TRIM8: variants seen among roughly 807,000 people sequenced by gnomAD.
TRIM8 encodes tripartite motif containing 8, also known as E3 ubiquitin-protein ligase TRIM8.
A neutral mutation model predicts 55.7 loss-of-function variants in TRIM8; 9 were observed. The observed-to-expected ratio is 0.16, with a 90% CI of 0.10 to 0.28. TRIM8 has a LOEUF of 0.28. TRIM8 is among the 10% of genes least tolerant of loss of function. The probability of loss-of-function intolerance (pLI) is 1.00; values close to 1 mark genes in which losing one functional copy is unlikely to be tolerated. For synonymous variants in TRIM8, 335 were observed against 333.3 expected, an observed-to-expected ratio of 1.01 and a Z score of -0.06; for missense variants, 556 against 736.4, an observed-to-expected ratio of 0.76 and a Z score of 2.83.
chr10:102,646,207 A>G (rs745550869), intron 1 of TRIM8, among the ~76,000 whole-genome samples: 14 of 152,136 alleles, frequency 9.2e-5, no homozygotes, highest in East Asian at 5.8e-4. Context: ...GTCCCTCCCC[A>G]GTCCTCTGGC....
At chr10:102,645,315 A>G in intron 1 of TRIM8, 128 bp downstream of exon 1, 2 of 1,089,736 alleles carry the variant, frequency 1.8e-6, no homozygotes, top group Non-Finnish European at 2.5e-6. Context: ...GCCCCTGGCC[A>G]AACTCTTCTC....
In TRIM8 at chr10:102,656,147, G is replaced by A. The variant is rs369864855; in HGVS notation, c.932+10G>A. 2.2e-5 allele frequency: 35 copies of A among 1,614,038 alleles called. 1 individual carries two copies. Among genetic ancestry groups the A allele is most frequent in the Non-Finnish European group, 2.6e-5 (31 of 1,180,038 alleles). Reference sequence around the variant, plus strand: ...AAATCCTGATGGACAGGTAAGCTGAGGGCCCTAGCCCTCCCGGGGGCACAT... The same window carrying A: ...AAATCCTGATGGACAGGTAAGCTGAAGGCCCTAGCCCTCCCGGGGGCACAT... On this transcript the variant is annotated intron_variant, in intron 4 of 5. Transcript: ENST00000643721. The surrounding 1 kb of genome is among the most constrained non-coding windows in gnomAD (Gnocchi z 4.6).
At chr10:102,654,545 T>G (rs1590108971) in intron 1 of TRIM8, 108 bp from the exon 2 acceptor site, 1 of 894,682 alleles carries the variant, frequency 1.1e-6, no homozygotes, top group East Asian at 2.4e-5. Flanking sequence ...AGAGGCTTGG[T>G]GCCATCGGGT....
In TRIM8 at chr10:102,657,516, G is replaced by T; in HGVS notation, c.*162G>T. 1 of 965,890 alleles carries T rather than the reference G, an allele frequency of 1.0e-6. No individual in the cohort carries two copies. Among genetic ancestry groups the T allele is most frequent in the Non-Finnish European group, 1.5e-6 (1 of 685,340 alleles). 59.8% of individuals were successfully genotyped at this position (965,890 alleles called of 1,614,324 possible). A position where few individuals can be genotyped will look rare whatever the true frequency, so the allele number is the denominator to read the frequency against. ...TGGATTTTGTTTTGGTTTTGGCTTT[G>T]TTTTTGATTTTTTTTTATTATGAAT... On this transcript the variant is annotated 3_prime_UTR_variant, in exon 6 of 6. Transcript: ENST00000643721.
At chr10:102,648,680 T>A (rs1389054245) in intron 1 of TRIM8, among the ~76,000 whole-genome samples, 2 of 152,138 alleles carry the variant, frequency 1.3e-5, no homozygotes, top group Non-Finnish European at 2.9e-5. Context: ...CTGGCTCTAC[T>A]GGGGCTGGTG....
chr10:102,649,825 T>TA (rs2063965928), intron 1 of TRIM8, among the ~76,000 whole-genome samples: 1 of 152,114 alleles, frequency 6.6e-6, no homozygotes, highest in African/African-American at 2.4e-5. Context: ...GAAAGGGGGT[T>TA]TAGGGCAGGC....
intron 1 of TRIM8, among the ~76,000 whole-genome samples, chr10:102,651,007 C>T (rs970307499): frequency 6.6e-6 from 1 of 152,180 alleles, no homozygotes; most frequent in Non-Finnish European, 1.5e-5. Flanking sequence ...TTCTCCCAGG[C>T]GCTGTCTGTA....
chr10:102,649,595 C>A (rs1208014960), intron 1 of TRIM8, among the ~76,000 whole-genome samples: 4 of 152,194 alleles, frequency 2.6e-5, no homozygotes, highest in African/African-American at 9.7e-5. Context: ...TCTCTCGCCT[C>A]TTTGTTCTGC....
rs2064027735 is a variant in TRIM8, at chr10:102,656,678, A to T, written c.1049-69A>T. On this transcript the variant is annotated intron_variant, in intron 5 of 5. Coordinates refer to ENST00000643721, the MANE Select transcript of TRIM8 (RefSeq NM_030912.3). This position sits in a 1 kb window ranked among gnomAD's most constrained non-coding sequence, Gnocchi z 4.6. ...TAGGTGTCAATGGTCCCCAGGTCCA[A>T]CCCAGGGAGAGGAGGCCTGGGTTGC... 6.6e-7 allele frequency: 1 copy of T among 1,505,646 alleles called. No homozygotes were observed. The highest frequency in any genetic ancestry group is 8.9e-7 in the Non-Finnish European group (1 of 1,129,292). 93.3% of individuals were successfully genotyped at this position (1,505,646 alleles called of 1,614,324 possible).
chr10:102,653,000 T>C (rs995746643), intron 1 of TRIM8, among the ~76,000 whole-genome samples: 14 of 152,266 alleles, frequency 9.2e-5, no homozygotes, highest in African/African-American at 3.4e-4. Context: ...ATGGGGTTTC[T>C]CCATGTTAGG....
rs747235303 is a variant in TRIM8 at position 102,654,677 on chromosome 10, C to T, written c.595C>T (p.Arg199Trp). Residue 199 changes from arginine (R) to tryptophan (W), a missense_variant, in exon 2 of 6, where the codon CGG (arginine) becomes TGG (tryptophan). This residue lies in a region of TRIM8 where 165 missense variants were observed against 295.3 expected (regional missense o/e 0.56). Transcript: ENST00000643721. ...IRKMLMKQQD[R>W]LEEREQDIED... ...GAAGATGCTCATGAAGCAGCAGGACCGGCTGGAGGAGCGAGAGCAGGACAT... is the reference window on the plus strand; with the variant it reads ...GAAGATGCTCATGAAGCAGCAGGACTGGCTGGAGGAGCGAGAGCAGGACAT... The T allele has an allele frequency of 8.1e-6, 13 of 1,614,050 alleles. No homozygotes were observed. The highest frequency in any genetic ancestry group is 7.7e-5 in the South Asian group (7 of 91,082).
chr10:102,652,596 C>G (rs914029806), intron 1 of TRIM8, among the ~76,000 whole-genome samples: 11 of 152,156 alleles, frequency 7.2e-5, no homozygotes, highest in African/African-American at 2.7e-4. Flanking sequence ...TGGAGAAAGA[C>G]AGCAGCAAAT....
At position 102,657,313 on chromosome 10, in the gene TRIM8, G is replaced by T. The variant is rs369073221; in HGVS notation, c.1615G>T (p.Val539Leu). The T allele has an allele frequency of 6.2e-7, 1 of 1,607,676 alleles. No individual in the cohort carries two copies. The highest frequency in any genetic ancestry group is 1.3e-5 in the African/African-American group (1 of 74,814). The change falls in exon 6 of 6, where the codon GTG becomes TTG. Residue 539 changes from valine (V) to leucine (L), a missense_variant. Val to Leu is a conservative substitution (Grantham distance 32). Around this residue, in one of 2 missense-constraint regions of TRIM8, gnomAD observed 391 missense variants for 441.0 expected, o/e 0.89. Transcript: ENST00000643721. Reference protein sequence around the residue: ...QQPGHQDFYRVYGQPSTKHYV... With the variant: ...QQPGHQDFYRLYGQPSTKHYV... ...GCCCGGCCACCAGGATTTCTACAGG[G>T]TGTATGGGCAGCCGTCCACCAAACA...
At chr10:102,649,033 GGTGTGTGTGTGT>G (rs58956109) in intron 1 of TRIM8, among the ~76,000 whole-genome samples, 2 of 151,180 alleles carry the variant, frequency 1.3e-5, no homozygotes, top group East Asian at 3.9e-4. Flanking sequence ...TCTGTCTGCA[GGTGTGTGTGTGT>G]GTGTGTGTGC....
chr10:102,648,351 C>T (rs540864447), intron 1 of TRIM8, among the ~76,000 whole-genome samples: 1 of 152,112 alleles, frequency 6.6e-6, no homozygotes, highest in Non-Finnish European at 1.5e-5. Flanking sequence ...GTATGTGGTG[C>T]GTATGTGTCT....
At chr10:102,651,106 C>T (rs975150869) in intron 1 of TRIM8, among the ~76,000 whole-genome samples, 1 of 152,212 alleles carries the variant, frequency 6.6e-6, no homozygotes, top group African/African-American at 2.4e-5. Flanking sequence ...AGCCTCCTTC[C>T]TCTTCCTGCT....
chr10:102,645,189 C>T lies in TRIM8; in HGVS notation c.570+2C>T. 1 of 1,536,594 alleles carries T rather than the reference C, an allele frequency of 6.5e-7. No homozygotes were observed. The highest frequency in any genetic ancestry group is 8.7e-7 in the Non-Finnish European group (1 of 1,148,312). Reference sequence around the variant, plus strand: ...GAGATCCGAAGGAATGAAATCCGGGCAAGTACCCTACGCGCGCGCGCGCAC... The same window carrying T: ...GAGATCCGAAGGAATGAAATCCGGGTAAGTACCCTACGCGCGCGCGCGCAC... On this transcript the variant is annotated splice_donor_variant, in intron 1 of 5. Transcript: ENST00000643721. LOFTEE classifies it low-confidence loss of function (GC_TO_GT_DONOR).
chr10:102,650,875 T>C (rs2063978963), intron 1 of TRIM8, among the ~76,000 whole-genome samples: 1 of 152,144 alleles, frequency 6.6e-6, no homozygotes, highest in African/African-American at 2.4e-5. Flanking sequence ...CATTTTCCAG[T>C]GTCTTGGCAA....
At chr10:102,651,958 T>A (rs982504617) in intron 1 of TRIM8, among the ~76,000 whole-genome samples, 5 of 152,198 alleles carry the variant, frequency 3.3e-5, no homozygotes, top group Non-Finnish European at 7.4e-5. Flanking sequence ...GGTATTCCCA[T>A]GTGCGTGCGC....
Sources: allele counts gnomAD v4.1 joint callset (sites outside exome capture counted in the v4.1 genomes callset), GRCh38; gene constraint gnomAD v4.1.1; regional missense constraint gnomAD v4.1.1; non-coding constraint Gnocchi (gnomAD v3.1); transcripts MANE v1.5; gene names NCBI Gene and HGNC (gene_info 2026-07-23, HGNC 2026-07-21).